Variants in ASIC2 observed in about 807,000 individuals in gnomAD.
ASIC2 encodes the protein acid sensing ion channel subunit 2, also known as acid-sensing ion channel 2.
Under a neutral mutation model 57.3 loss-of-function variants are expected in ASIC2, and 25 were observed. That is an observed-to-expected ratio of 0.44 (90% CI 0.32 to 0.61). The LOEUF is 0.61. Among genes scored for constraint, ASIC2 ranks in the 20% least tolerant of loss-of-function variants. The pLI is 0.06. For synonymous variants in ASIC2, 319 were observed against 307.5 expected, an observed-to-expected ratio of 1.04 and a Z score of -0.39; for missense variants, 641 against 738.1, an observed-to-expected ratio of 0.87 and a Z score of 1.52.
chr17:33,260,982 T>G (rs994681491), intron 1 of ASIC2, among the ~76,000 whole-genome samples: 2 of 152,186 alleles, frequency 1.3e-5, no homozygotes, highest in Non-Finnish European at 2.9e-5. Context: ...ACAAACATTC[T>G]GATTTCATTC....
intron 2 of ASIC2, among the ~76,000 whole-genome samples, chr17:33,109,500 G>T (rs1222345338): frequency 6.6e-6 from 1 of 152,154 alleles, no homozygotes; most frequent in Non-Finnish European, 1.5e-5. Flanking sequence ...AATCGTCTAA[G>T]TGAGTGTGCT....
intron 1 of ASIC2, among the ~76,000 whole-genome samples, chr17:34,099,142 G>T (rs377697337): frequency 4.8e-5 from 1 of 20,842 alleles, no homozygotes; most frequent in Non-Finnish European, 1.2e-4. Flanking sequence ...GAGAGAGAGA[G>T]AGACAGAGAG....
chr17:33,740,691 A>G (rs1910083285), intron 1 of ASIC2, among the ~76,000 whole-genome samples: 1 of 152,180 alleles, frequency 6.6e-6, no homozygotes, highest in African/African-American at 2.4e-5. Context: ...CTCCTCCTTC[A>G]GGGCTGGATG....
Position 34,034,933 on chromosome 17 carries a change from C to A in ASIC2, c.555+121045G>T, listed in dbSNP as rs938205239. On this transcript the variant is annotated intron_variant, in intron 1 of 9. Transcript: ENST00000359872. ...AATCAATATCATGAAAATGGCCATA[C>A]TGCCCAAGGTAATTTATAGATTCAA... 6.2e-4 allele frequency among the ~76,000 whole-genome samples: 94 copies of A among 152,172 alleles called. No individual in the cohort carries two copies. In the East Asian group the frequency reaches 0.017, roughly 28 times the overall value.
At chr17:33,880,093 C>T (rs1437678259) in intron 1 of ASIC2, among the ~76,000 whole-genome samples, 1 of 152,092 alleles carries the variant, frequency 6.6e-6, no homozygotes, top group Non-Finnish European at 1.5e-5. Context: ...ATCTCTGGGA[C>T]ACATTTAAAG....
chr17:33,363,634 C>G (rs1178855785), intron 1 of ASIC2, among the ~76,000 whole-genome samples: 1 of 152,246 alleles, frequency 6.6e-6, no homozygotes, highest in African/African-American at 2.4e-5. Flanking sequence ...ACCACCCACC[C>G]TGCTCTGTCT....
intron 1 of ASIC2, among the ~76,000 whole-genome samples, chr17:33,924,214 C>T (rs1371976138): frequency 2.6e-5 from 4 of 152,240 alleles, no homozygotes; most frequent in Non-Finnish European, 5.9e-5. Context: ...ATACCTGACT[C>T]TCCTGCACTG....
chr17:33,675,823 C>T lies in ASIC2; in HGVS notation c.555+480155G>A, dbSNP rs182282049. ...CTGGGCTCAAGTGATCCACCCACCTCGGCCTCCCAAAGTGCTGGGATTACA... is the reference window on the plus strand; with the variant it reads ...CTGGGCTCAAGTGATCCACCCACCTTGGCCTCCCAAAGTGCTGGGATTACA... On this transcript the variant is annotated intron_variant, in intron 1 of 9. Transcript: ENST00000359872. 4.5e-3 allele frequency among the ~76,000 whole-genome samples: 681 copies of T among 152,344 alleles called. 2 individuals are homozygous for T. The highest frequency in any genetic ancestry group is 0.015 in the African/African-American group (641 of 41,588).
chr17:33,561,269 T>A (rs1333727392), intron 1 of ASIC2, among the ~76,000 whole-genome samples: 1 of 152,108 alleles, frequency 6.6e-6, no homozygotes, highest in Non-Finnish European at 1.5e-5. Flanking sequence ...TATCCTGGAG[T>A]CCGGAAGGCA....
chr17:33,875,600 G>A (rs1375217129), intron 1 of ASIC2, among the ~76,000 whole-genome samples: 1 of 152,166 alleles, frequency 6.6e-6, no homozygotes, highest in African/African-American at 2.4e-5. Context: ...GGGGAGCCAA[G>A]TTCACCTCTG....
chr17:34,129,831 G>A (rs974427378), intron 1 of ASIC2, among the ~76,000 whole-genome samples: 2 of 152,112 alleles, frequency 1.3e-5, no homozygotes, highest in Non-Finnish European at 2.9e-5. Flanking sequence ...AGAAGACGGG[G>A]CATCCTATTA....
intron 1 of ASIC2, among the ~76,000 whole-genome samples, chr17:33,544,644 A>G (rs1915523629): frequency 6.6e-6 from 1 of 152,208 alleles, no homozygotes; most frequent in South Asian, 2.1e-4. Context: ...AAGATGCGCC[A>G]TTATTTTACA....
intron 1 of ASIC2, among the ~76,000 whole-genome samples, chr17:33,452,959 G>A (rs888243899): frequency 7.2e-6 from 1 of 139,444 alleles, no homozygotes; most frequent in African/African-American, 3.4e-5. Flanking sequence ...GAAAGGTAAA[G>A]ACTCATGAAA....
intron 1 of ASIC2, among the ~76,000 whole-genome samples, chr17:33,827,351 A>ATTTTTTTTTTTTTTTTTTTTTTTTT (rs1227385732): frequency 1.2e-4 from 1 of 8,318 alleles, no homozygotes; most frequent in Non-Finnish European, 3.9e-4. Flanking sequence ...TTTTTTTTTG[A>ATTTTTTTTTTTTTTTTTTTTTTTTT]GACAGAGTCT....
chr17:33,251,901 C>T (rs1474369096), intron 1 of ASIC2, among the ~76,000 whole-genome samples: 1 of 152,216 alleles, frequency 6.6e-6, no homozygotes, highest in Non-Finnish European at 1.5e-5. Flanking sequence ...AAGAATGATC[C>T]CTTGTATTGA....
At chr17:33,103,916 T>G (rs957431165) in intron 2 of ASIC2, among the ~76,000 whole-genome samples, 8 of 152,170 alleles carry the variant, frequency 5.3e-5, no homozygotes, top group African/African-American at 1.9e-4. Flanking sequence ...ATAGTTCCTT[T>G]TGTAGACTTT....
intron 1 of ASIC2, among the ~76,000 whole-genome samples, chr17:33,422,851 G>T (rs1355330499): frequency 6.6e-6 from 1 of 152,162 alleles, no homozygotes; most frequent in Non-Finnish European, 1.5e-5. Flanking sequence ...GGTCAGAGTT[G>T]GTATACCCGG....
At chr17:33,076,305 G>C (rs1179640451) in intron 3 of ASIC2, among the ~76,000 whole-genome samples, 2 of 152,202 alleles carry the variant, frequency 1.3e-5, no homozygotes, top group African/African-American at 4.8e-5. Flanking sequence ...GTATTACAGG[G>C]GCAGTCCGGG....
intron 1 of ASIC2, among the ~76,000 whole-genome samples, chr17:33,875,031 C>T (rs1442702785): frequency 6.6e-6 from 1 of 152,146 alleles, no homozygotes; most frequent in Non-Finnish European, 1.5e-5. Flanking sequence ...GGGCAGGGAT[C>T]ATGCATTTGA....
Sources: gnomAD v4.1 joint callset for allele counts (sites outside exome capture counted in the v4.1 genomes callset) on GRCh38, gnomAD v4.1.1 for gene constraint, MANE v1.5 for transcripts, NCBI Gene and HGNC (gene_info 2026-07-23, HGNC 2026-07-21) for gene names.